The following SERPINB7 variants were observed in gnomAD, a reference collection of about 807,000 sequenced individuals.
The protein encoded by SERPINB7 is serpin family B member 7, also known as serpin B7.
A neutral mutation model predicts 37.4 loss-of-function variants in SERPINB7; 31 were observed. That is an observed-to-expected ratio of 0.83 (90% CI 0.62 to 1.12). The LOEUF is 1.12. SERPINB7 is among the 50% of genes most tolerant of loss of function. The probability of loss-of-function intolerance (pLI) is 0.00; values close to 1 mark genes in which losing one functional copy is unlikely to be tolerated. For missense variants in SERPINB7, 521 were observed against 455.3 expected (o/e 1.14, Z -1.31); for synonymous variants, 163 against 166.1 (o/e 0.98, Z 0.14).
intron 1 of SERPINB7, among the ~76,000 whole-genome samples, chr18:63,764,071 G>A (rs762489605): frequency 2.6e-5 from 4 of 152,190 alleles, no homozygotes; most frequent in Admixed American, 6.5e-5. Context: ...CTAAATTAGA[G>A]GCAGGCCCTA....
At chr18:63,791,751 T>C (rs1016435194) in intron 2 of SERPINB7, among the ~76,000 whole-genome samples, 23 of 151,594 alleles carry the variant, frequency 1.5e-4, no homozygotes, top group South Asian at 8.3e-4. Flanking sequence ...GCTGGGACTA[T>C]AGGCGCCCAC....
At chr18:63,787,705 G>A (rs954243999) in intron 2 of SERPINB7, among the ~76,000 whole-genome samples, 1 of 152,180 alleles carries the variant, frequency 6.6e-6, no homozygotes, top group South Asian at 2.1e-4. Flanking sequence ...GCAGGGAGTT[G>A]TTAAAAAGTT....
intron 1 of SERPINB7, among the ~76,000 whole-genome samples, chr18:63,778,681 A>G (rs1238582086): frequency 6.6e-6 from 1 of 152,112 alleles, no homozygotes; most frequent in Non-Finnish European, 1.5e-5. Context: ...TTAAACTTTA[A>G]AAAGAAGGTT....
chr18:63,791,347 A>C (rs963223655), intron 2 of SERPINB7, among the ~76,000 whole-genome samples: 3 of 152,234 alleles, frequency 2.0e-5, no homozygotes, highest in Non-Finnish European at 4.4e-5. Flanking sequence ...GAGCCTATTT[A>C]AGTAAAACAG....
chr18:63,782,439 C>G lies in SERPINB7; in HGVS notation c.67C>G (p.Gln23Glu), dbSNP rs1274869336. ...CCTGTTCAGAGAGATGGATGACAATCAAGGAAATGGAAATGTGTTCTTTTC... is the reference window on the plus strand; with the variant it reads ...CCTGTTCAGAGAGATGGATGACAATGAAGGAAATGGAAATGTGTTCTTTTC... ...FNLFREMDDN[Q>E]GNGNVFFSSL... The change falls in exon 2 of 8, where the codon CAA becomes GAA. Residue 23 changes from glutamine to glutamate, a missense_variant. Coordinates refer to ENST00000398019, the MANE Select transcript of SERPINB7 (RefSeq NM_003784.4). 1 of 1,614,078 alleles carries G rather than the reference C, an allele frequency of 6.2e-7. No homozygotes were observed. Among genetic ancestry groups the G allele is most frequent in the African/African-American group, 1.3e-5 (1 of 74,932 alleles).
At chr18:63,790,593 G>C (rs1260691560) in intron 2 of SERPINB7, among the ~76,000 whole-genome samples, 1 of 152,126 alleles carries the variant, frequency 6.6e-6, no homozygotes, top group African/African-American at 2.4e-5. Flanking sequence ...TAAACAATAA[G>C]AAAGAAATAT....
At chr18:63,784,959 G>A (rs2049349508) in intron 2 of SERPINB7, among the ~76,000 whole-genome samples, 2 of 152,112 alleles carry the variant, frequency 1.3e-5, no homozygotes, top group Non-Finnish European at 2.9e-5. Context: ...GGTGGGCCAG[G>A]GTCAACAGCT....
chr18:63,792,505 G>A (rs2049440310), intron 3 of SERPINB7, 62 bp downstream of exon 3: 2 of 1,117,068 alleles, frequency 1.8e-6, no homozygotes, highest in Non-Finnish European at 2.7e-6. Flanking sequence ...GCTCAAGCCT[G>A]TAATACCAGA....
intron 7 of SERPINB7, among the ~76,000 whole-genome samples, chr18:63,803,849 A>G (rs1359931485): frequency 1.3e-5 from 2 of 152,104 alleles, no homozygotes; most frequent in Non-Finnish European, 2.9e-5. Context: ...GTCTTTCATG[A>G]TGAGGAGATG....
chr18:63,767,407 T>C (rs2049186509), intron 1 of SERPINB7, among the ~76,000 whole-genome samples: 1 of 152,164 alleles, frequency 6.6e-6, no homozygotes. Flanking sequence ...AGAATTCTGT[T>C]CTTCCCAGAT....
intron 1 of SERPINB7, among the ~76,000 whole-genome samples, chr18:63,761,969 G>A (rs548864641): frequency 6.6e-6 from 1 of 152,128 alleles, no homozygotes; most frequent in Non-Finnish European, 1.5e-5. Flanking sequence ...TATCTTTCAG[G>A]TCTACATTTC....
At chr18:63,771,862 A>T (rs946331400), upstream of SERPINB7, among the ~76,000 whole-genome samples, 3 of 151,760 alleles carry the variant, frequency 2.0e-5, no homozygotes, top group South Asian at 4.2e-4. Flanking sequence ...GTTTAAAAGG[A>T]TGTAGTGGGA....
At chr18:63,783,920 A>T (rs2049338862) in intron 2 of SERPINB7, among the ~76,000 whole-genome samples, 1 of 152,196 alleles carries the variant, frequency 6.6e-6, no homozygotes, top group African/African-American at 2.4e-5. Flanking sequence ...CCTTTATCTG[A>T]ATAGCTCAGT....
At chr18:63,778,278 T>C (rs1199566052) in intron 1 of SERPINB7, 1 of 152,138 alleles carries the variant, frequency 6.6e-6, no homozygotes, top group Non-Finnish European at 1.5e-5. Context: ...TTGATCAAAA[T>C]TTGAAACTAT....
At chr18:63,789,788 T>C (rs1413676838) in intron 2 of SERPINB7, among the ~76,000 whole-genome samples, 2 of 152,252 alleles carry the variant, frequency 1.3e-5, no homozygotes, top group Non-Finnish European at 2.9e-5. Context: ...AAAAGACTTA[T>C]GCTTTCATCA....
chr18:63,757,291 T>G (rs949629274), intron 1 of SERPINB7, among the ~76,000 whole-genome samples: 1 of 152,200 alleles, frequency 6.6e-6, no homozygotes, highest in Admixed American at 6.5e-5. Flanking sequence ...ATAACATGTA[T>G]AGCCCTGGGA....
intron 2 of SERPINB7, among the ~76,000 whole-genome samples, chr18:63,785,893 T>C (rs2049359972): frequency 7.2e-6 from 1 of 138,000 alleles, no homozygotes; most frequent in Admixed American, 7.4e-5. Context: ...TATATATATA[T>C]ATAATATACG....
At chr18:63,767,674 G>A (rs1219392640) in intron 1 of SERPINB7, among the ~76,000 whole-genome samples, 1 of 151,702 alleles carries the variant, frequency 6.6e-6, no homozygotes, top group Admixed American at 6.6e-5. Flanking sequence ...TTTTATTCTG[G>A]ATTTTCCAGC....
chr18:63,777,708 C>T (rs1416168584), intron 1 of SERPINB7: 1 of 151,416 alleles, frequency 6.6e-6, no homozygotes, highest in African/African-American at 2.4e-5. Flanking sequence ...CTATCATGGC[C>T]ATCATAAAAA....
Sources: allele counts gnomAD v4.1 joint callset (sites outside exome capture counted in the v4.1 genomes callset), GRCh38; gene constraint gnomAD v4.1.1; transcripts MANE v1.5; gene names NCBI Gene and HGNC (gene_info 2026-07-23, HGNC 2026-07-21).